SPMAP2L: variants seen among roughly 807,000 people sequenced by gnomAD.
SPMAP2L encodes sperm microtubule associated protein 2 like.
the SPMAP2L span, among the ~76,000 whole-genome samples, chr4:56,618,421 G>A: frequency 6.6e-6 from 1 of 152,192 alleles, no homozygotes; most frequent in African/African-American, 2.4e-5. Context: ...ACCCAAGACT[G>A]AATAATTTAT....
the SPMAP2L span, among the ~76,000 whole-genome samples, chr4:56,534,623 T>C: frequency 6.6e-6 from 1 of 152,070 alleles, no homozygotes; most frequent in Non-Finnish European, 1.5e-5. Flanking sequence ...GAATATCAAT[T>C]TGGCATGTAA....
At chr4:56,545,714 G>A in the SPMAP2L span, among the ~76,000 whole-genome samples, 1 of 100,076 alleles carries the variant, frequency 1.0e-5, no homozygotes, top group African/African-American at 4.1e-5. Context: ...GAGAGACCCT[G>A]TCTCAAAAAA....
the SPMAP2L span, among the ~76,000 whole-genome samples, chr4:56,560,236 C>T: frequency 1.3e-5 from 2 of 152,234 alleles, no homozygotes; most frequent in East Asian, 3.9e-4. Context: ...TATCTGAAAT[C>T]ACCTGTTGCG....
the SPMAP2L span, chr4:56,595,519 G>T: frequency 5.3e-6 from 8 of 1,516,608 alleles, no homozygotes; most frequent in Non-Finnish European, 7.3e-6. Context: ...CCTGACCTGC[G>T]TTATATCTTC....
At chr4:56,540,608 G>GAGAGAAAGAAGGAAAAGAAAGGAAGAA in the SPMAP2L span, among the ~76,000 whole-genome samples, 3 of 151,110 alleles carry the variant, frequency 2.0e-5, no homozygotes, top group Non-Finnish European at 4.4e-5. Context: ...GAAAGAAAGA[G>GAGAGAAAGAAGGAAAAGAAAGGAAGAA]AGAGAAAGAA....
chr4:56,621,587 A>G, the SPMAP2L span, among the ~76,000 whole-genome samples: 1 of 152,246 alleles, frequency 6.6e-6, no homozygotes, highest in East Asian at 1.9e-4. Flanking sequence ...CTGCTTGTAC[A>G]TAGGAATAGA....
At chr4:56,538,530 C>G in the SPMAP2L span, among the ~76,000 whole-genome samples, 3 of 152,106 alleles carry the variant, frequency 2.0e-5, no homozygotes. Flanking sequence ...TATTTTAGGC[C>G]GGGCATGGTG....
At chr4:56,591,812 G>C in the SPMAP2L span, among the ~76,000 whole-genome samples, 116 of 152,228 alleles carry the variant, frequency 7.6e-4, 1 homozygote, top group African/African-American at 2.8e-3. Context: ...GGAGACGTAT[G>C]GTTCTGCTTT....
the SPMAP2L span, among the ~76,000 whole-genome samples, chr4:56,567,727 T>G: frequency 6.6e-6 from 1 of 152,160 alleles, no homozygotes; most frequent in Non-Finnish European, 1.5e-5. Context: ...TGCCTCACTG[T>G]CTCCATTATT....
At chr4:56,604,671 A>T in the SPMAP2L span, among the ~76,000 whole-genome samples, 42 of 152,056 alleles carry the variant, frequency 2.8e-4, 1 homozygote, top group East Asian at 7.9e-3. Context: ...AAAAAAAAAG[A>T]AAAGAAAAGA....
chr4:56,592,554 G>C, the SPMAP2L span, among the ~76,000 whole-genome samples: 3 of 152,218 alleles, frequency 2.0e-5, no homozygotes, highest in African/African-American at 7.2e-5. Flanking sequence ...AGCGAAAGGG[G>C]CTCCAGGCTG....
chr4:56,619,609 T>C, the SPMAP2L span, among the ~76,000 whole-genome samples: 1 of 152,352 alleles, frequency 6.6e-6, no homozygotes, highest in African/African-American at 2.4e-5. Context: ...GTTGTGTATA[T>C]ATACCACATT....
At chr4:56,556,339 T>A in the SPMAP2L span, among the ~76,000 whole-genome samples, 3 of 152,166 alleles carry the variant, frequency 2.0e-5, no homozygotes, top group African/African-American at 7.2e-5. Flanking sequence ...TATAGAAGTC[T>A]GAGGAAGGAG....
the SPMAP2L span, among the ~76,000 whole-genome samples, chr4:56,551,642 T>G: frequency 1.3e-5 from 2 of 152,170 alleles, no homozygotes; most frequent in African/African-American, 4.8e-5. Context: ...AGTTGTCATG[T>G]ATTGGCCCCG....
chr4:56,606,695 G>A, the SPMAP2L span, among the ~76,000 whole-genome samples: 1 of 152,128 alleles, frequency 6.6e-6, no homozygotes, highest in African/African-American at 2.4e-5. Flanking sequence ...AGCAAGAGGA[G>A]GCTGAAGGAT....
At chr4:56,602,357 AT>A in the SPMAP2L span, among the ~76,000 whole-genome samples, 2 of 152,186 alleles carry the variant, frequency 1.3e-5, no homozygotes, top group African/African-American at 2.4e-5. Flanking sequence ...TTTAAAAAAA[AT>A]AAATTTGCCA....
At chr4:56,543,891 AGAGAGTGTGTGT>A in the SPMAP2L span, among the ~76,000 whole-genome samples, 4 of 123,790 alleles carry the variant, frequency 3.2e-5, no homozygotes, top group African/African-American at 1.4e-4. Flanking sequence ...AGAGAGAGAG[AGAGAGTGTGTGT>A]GTGTGTGTGT....
chr4:56,626,081 T>C, the SPMAP2L span, among the ~76,000 whole-genome samples: 1 of 152,172 alleles, frequency 6.6e-6, no homozygotes, highest in African/African-American at 2.4e-5. Context: ...CTCAACACAG[T>C]TCAGCTGAGA....
At chr4:56,531,243 G>T in the SPMAP2L span, 4 of 1,451,998 alleles carry the variant, frequency 2.8e-6, no homozygotes, top group Admixed American at 2.5e-5. Context: ...GAGCACCCAC[G>T]CCCCATCTAG....
Sources: gnomAD v4.1 joint callset for allele counts (sites outside exome capture counted in the v4.1 genomes callset) on GRCh38, gnomAD v4.1.1 for gene constraint, MANE v1.5 for transcripts, NCBI Gene and HGNC (gene_info 2026-07-23, HGNC 2026-07-21) for gene names.